TMEFF2: variants seen among roughly 807,000 people sequenced by gnomAD.
TMEFF2 encodes the protein transmembrane protein with EGF like and two follistatin like domains 2.
A neutral mutation model predicts 53.8 loss-of-function variants in TMEFF2; 28 were observed. The observed-to-expected ratio is 0.52, with a 90% CI of 0.39 to 0.71. The LOEUF (loss-of-function observed/expected upper bound fraction) is 0.71. Ranked by LOEUF, TMEFF2 falls within the 30% of genes least tolerant of loss-of-function variation. TMEFF2 has a pLI of 0.00. For missense variants in TMEFF2, 353 were observed against 455.2 expected (o/e 0.78, Z 2.04); for synonymous variants, 162 against 166.3 (o/e 0.97, Z 0.20).
intron 5 of TMEFF2, 108 bp downstream of exon 5, chr2:192,057,571 G>A: frequency 9.7e-7 from 1 of 1,034,146 alleles, no homozygotes; most frequent in Non-Finnish European, 1.5e-6. Context: ...AACTGAATAA[G>A]AAAATAAAAA....
intron 4 of TMEFF2, among the ~76,000 whole-genome samples, chr2:192,070,693 G>A (rs1688274797): frequency 6.6e-6 from 1 of 151,736 alleles, no homozygotes; most frequent in Non-Finnish European, 1.5e-5. Flanking sequence ...AAGAACTAGT[G>A]GTCAGAGAGA....
intron 4 of TMEFF2, among the ~76,000 whole-genome samples, chr2:192,148,128 A>G (rs1227298995): frequency 6.6e-6 from 1 of 151,998 alleles, no homozygotes; most frequent in Non-Finnish European, 1.5e-5. Flanking sequence ...AATTTGGGCT[A>G]TATTTCAAGG....
At chr2:192,067,831 A>C (rs1198727000) in intron 4 of TMEFF2, among the ~76,000 whole-genome samples, 1 of 151,816 alleles carries the variant, frequency 6.6e-6, no homozygotes, top group African/African-American at 2.4e-5. Flanking sequence ...TGTGTCCTAA[A>C]TATTTTCCCA....
intron 5 of TMEFF2, among the ~76,000 whole-genome samples, chr2:192,039,044 C>T (rs562300391): frequency 1.3e-4 from 20 of 152,008 alleles, no homozygotes; most frequent in South Asian, 4.2e-4. Context: ...AGATATTTCC[C>T]GCCCCCCCCA....
chr2:191,959,921 G>A (rs1318251610), intron 7 of TMEFF2, among the ~76,000 whole-genome samples: 1 of 152,146 alleles, frequency 6.6e-6, no homozygotes, highest in Non-Finnish European at 1.5e-5. Context: ...CTATTACCCA[G>A]GATGGAATGC....
chr2:192,068,521 A>C (rs756988558), intron 4 of TMEFF2, among the ~76,000 whole-genome samples: 7 of 151,886 alleles, frequency 4.6e-5, no homozygotes, highest in Non-Finnish European at 8.8e-5. Context: ...CAAGTAAGAA[A>C]TAAATAAGAA....
intron 4 of TMEFF2, among the ~76,000 whole-genome samples, chr2:192,084,016 G>C (rs912417703): frequency 6.6e-6 from 1 of 152,088 alleles, no homozygotes; most frequent in Non-Finnish European, 1.5e-5. Flanking sequence ...GGGAAAGTTA[G>C]TTGTGTATAT....
Position 192,132,114 on chromosome 2 carries a change from G to C in TMEFF2, c.439+47554C>G, listed in dbSNP as rs944917256. Among the ~76,000 whole-genome samples, 37 of 151,808 alleles carry C rather than the reference G, an allele frequency of 2.4e-4. 1 individual carries two copies. Among genetic ancestry groups the C allele is most frequent in the Non-Finnish European group, 5.1e-4 (35 of 67,978 alleles). ...ATCTGACCTCTCCCCTCCTCGCCAG[G>C]CCAAGCTAGGCCCCAATTCTTCCTC... On this transcript the variant is annotated intron_variant, in intron 4 of 9. Transcript: ENST00000272771.
intron 4 of TMEFF2, among the ~76,000 whole-genome samples, chr2:192,106,933 T>A (rs1310109855): frequency 6.6e-6 from 1 of 151,678 alleles, no homozygotes; most frequent in Non-Finnish European, 1.5e-5. Context: ...GAAGAGTAAG[T>A]AGGACTTTTA....
chr2:192,194,137 G>A lies in TMEFF2; in HGVS notation c.172+216C>T, dbSNP rs774474013. Among the ~76,000 whole-genome samples, 9 of 152,096 alleles carry A rather than the reference G, an allele frequency of 5.9e-5. No homozygotes were observed. The highest frequency in any genetic ancestry group is 1.0e-4 in the Non-Finnish European group (7 of 68,016). ...AAGCGCAAGCATGCAAAGGTTTCCTGCTACACCTGCACTTTCTGCCCATCC... is the reference window on the plus strand; with the variant it reads ...AAGCGCAAGCATGCAAAGGTTTCCTACTACACCTGCACTTTCTGCCCATCC... On this transcript the variant is annotated intron_variant, in intron 1 of 9. Transcript: ENST00000272771. This position sits in a 1 kb window ranked among gnomAD's most constrained non-coding sequence, Gnocchi z 4.2.
chr2:192,164,733 A>T (rs1690717089), intron 4 of TMEFF2, among the ~76,000 whole-genome samples: 1 of 152,156 alleles, frequency 6.6e-6, no homozygotes, highest in Admixed American at 6.5e-5. Flanking sequence ...TCTCAAAAAA[A>T]AAAAAAAAAA....
At chr2:192,149,388 A>G (rs189275079) in intron 4 of TMEFF2, among the ~76,000 whole-genome samples, 27 of 152,126 alleles carry the variant, frequency 1.8e-4, no homozygotes, top group African/African-American at 6.3e-4. Flanking sequence ...AGAGACAAGC[A>G]TAGTGAGGGG....
chr2:192,133,231 G>A (rs1689902490), intron 4 of TMEFF2, among the ~76,000 whole-genome samples: 2 of 152,114 alleles, frequency 1.3e-5, no homozygotes, highest in East Asian at 1.9e-4. Context: ...GGCTACAGCT[G>A]CATCTCATTG....
At chr2:191,995,575 C>G (rs140044426) in intron 7 of TMEFF2, among the ~76,000 whole-genome samples, 1 of 152,088 alleles carries the variant, frequency 6.6e-6, no homozygotes, top group Non-Finnish European at 1.5e-5. Flanking sequence ...CACATAGACT[C>G]TCTATTTGGT....
At chr2:192,012,873 C>T (rs1375733432) in intron 5 of TMEFF2, among the ~76,000 whole-genome samples, 1 of 151,904 alleles carries the variant, frequency 6.6e-6, no homozygotes, top group Non-Finnish European at 1.5e-5. Context: ...AAAATGTATA[C>T]AAATTAAAAA....
chr2:192,110,369 G>A (rs1248575163), intron 4 of TMEFF2, among the ~76,000 whole-genome samples: 2 of 151,964 alleles, frequency 1.3e-5, no homozygotes, highest in African/African-American at 4.8e-5. Flanking sequence ...GGAGTTAGAG[G>A]ATATAGACAA....
chr2:192,172,726 T>G (rs1690946422), intron 4 of TMEFF2, among the ~76,000 whole-genome samples: 1 of 151,880 alleles, frequency 6.6e-6, no homozygotes, highest in Non-Finnish European at 1.5e-5. Context: ...ACAGATGATT[T>G]CAGAATCAAA....
Position 192,058,184 on chromosome 2 carries a change from C to T in TMEFF2, c.440-409G>A, listed in dbSNP as rs545044689. ...CTTATTTCCAGATTATGGACTTTTT[C>T]GTTCAAAGAAAGTTTTCATGTATAA... On this transcript the variant is annotated intron_variant, in intron 4 of 9. Coordinates refer to ENST00000272771, the MANE Select transcript of TMEFF2 (RefSeq NM_016192.4). 5.1e-4 allele frequency among the ~76,000 whole-genome samples: 78 copies of T among 152,158 alleles called. 1 individual carries two copies. In the South Asian group the frequency reaches 0.013, roughly 26 times the overall value.
At chr2:191,974,168 G>C (rs568186704) in intron 7 of TMEFF2, among the ~76,000 whole-genome samples, 4 of 152,252 alleles carry the variant, frequency 2.6e-5, no homozygotes, top group Non-Finnish European at 5.9e-5. Flanking sequence ...AGTTTTACAT[G>C]TAGAGTTAGA....
Sources: allele counts gnomAD v4.1 joint callset (sites outside exome capture counted in the v4.1 genomes callset), GRCh38; gene constraint gnomAD v4.1.1; non-coding constraint Gnocchi (gnomAD v3.1); transcripts MANE v1.5; gene names NCBI Gene and HGNC (gene_info 2026-07-23, HGNC 2026-07-21).